Variants in ABCD3 observed in about 807,000 individuals in gnomAD.
ABCD3 encodes ATP-binding cassette sub-family D member 3.
A neutral mutation model predicts 105.5 loss-of-function variants in ABCD3; 41 were observed. The observed-to-expected ratio is 0.39, with a 90% CI of 0.30 to 0.50. The LOEUF is 0.50. Ranked by LOEUF, ABCD3 falls within the 20% of genes least tolerant of loss-of-function variation. ABCD3 has a pLI of 0.84. For missense variants in ABCD3, 622 were observed against 806.3 expected (o/e 0.77, Z 2.77); for synonymous variants, 258 against 269.0 (o/e 0.96, Z 0.40).
At chr1:94,474,691 GA>G (rs1475785673) in intron 5 of ABCD3, among the ~76,000 whole-genome samples, 1 of 150,512 alleles carries the variant, frequency 6.6e-6, no homozygotes, top group Non-Finnish European at 1.5e-5. Context: ...AAATAATCTG[GA>G]AAATAGCATT....
chr1:94,410,015 A>T, the ABCD3 span, among the ~76,000 whole-genome samples: 2 of 152,336 alleles, frequency 1.3e-5, no homozygotes, highest in African/African-American at 4.8e-5. Context: ...GACTCCATAT[A>T]CAGACGGATG....
At chr1:94,509,101 A>C (rs1570839126) in intron 21 of ABCD3, among the ~76,000 whole-genome samples, 1 of 152,190 alleles carries the variant, frequency 6.6e-6, no homozygotes, top group South Asian at 2.1e-4. Context: ...TTGCCCATTC[A>C]GTATGATATT....
chr1:94,480,052 GAGA>G (rs754290805), intron 8 of ABCD3, among the ~76,000 whole-genome samples: 14 of 149,200 alleles, frequency 9.4e-5, no homozygotes, highest in Admixed American at 5.3e-4. Flanking sequence ...GATTTGAGAT[GAGA>G]AGAGAACTAA....
chr1:94,478,532 A>G, intron 8 of ABCD3: 1 of 1,596,860 alleles, frequency 6.3e-7, no homozygotes, highest in Non-Finnish European at 8.6e-7. Flanking sequence ...AGGTACTTGG[A>G]AAAATTTTGT....
chr1:94,502,720 G>A (rs748153123), intron 20 of ABCD3, among the ~76,000 whole-genome samples: 1 of 151,806 alleles, frequency 6.6e-6, no homozygotes. Flanking sequence ...GGCTGGTCTC[G>A]AGCTCCTGAC....
intron 1 of ABCD3, among the ~76,000 whole-genome samples, chr1:94,445,407 A>G (rs573670792): frequency 9.7e-4 from 147 of 152,322 alleles, no homozygotes; most frequent in Non-Finnish European, 1.7e-3. Context: ...AGCAGTCCCC[A>G]TGGTGGGTAA....
At chr1:94,489,253 A>G (rs1397826336) in intron 13 of ABCD3, among the ~76,000 whole-genome samples, 1 of 152,094 alleles carries the variant, frequency 6.6e-6, no homozygotes, top group East Asian at 1.9e-4. Context: ...GAAAGAGGGA[A>G]TCTTTCAGAT....
At chr1:94,411,348 A>G in the ABCD3 span, among the ~76,000 whole-genome samples, 1 of 152,216 alleles carries the variant, frequency 6.6e-6, no homozygotes, top group Non-Finnish European at 1.5e-5. Context: ...AAAGATATAC[A>G]AATGGCCAAC....
intron 1 of ABCD3, among the ~76,000 whole-genome samples, chr1:94,430,411 C>A (rs576117304): frequency 5.3e-5 from 8 of 152,186 alleles, no homozygotes; most frequent in Non-Finnish European, 7.4e-5. Flanking sequence ...TGGCTGTGTC[C>A]CCCTAAATCT....
rs540410687 is a variant in ABCD3, at chr1:94,503,802, AT to A, written c.1741-2720del. Among the ~76,000 whole-genome samples the A allele has an allele frequency of 9.4e-3, 1,236 of 132,024 alleles. 7 individuals carry two copies. The highest frequency in any genetic ancestry group is 0.021 in the African/African-American group (735 of 35,622). The allele number at this position is 132,024 out of a possible 152,430, so 86.6% of individuals were successfully genotyped here. On this transcript the variant is annotated intron_variant, in intron 20 of 22. Coordinates refer to ENST00000370214, the MANE Select transcript of ABCD3 (RefSeq NM_002858.4). Reference sequence around the variant, plus strand: ...ATTAAAACAGTCTCTGCTTTTCTGAATTTTTTTTTTTTTTTTGAGGCAGTCT... The same window carrying A: ...ATTAAAACAGTCTCTGCTTTTCTGAATTTTTTTTTTTTTTTGAGGCAGTCT...
chr1:94,420,097 T>C (rs1162117701), intron 1 of ABCD3, among the ~76,000 whole-genome samples: 1 of 152,196 alleles, frequency 6.6e-6, no homozygotes, highest in Non-Finnish European at 1.5e-5. Context: ...AGTTCTGGAT[T>C]ACTTTTATGA....
chr1:94,440,130 G>A (rs1660078499), intron 1 of ABCD3, among the ~76,000 whole-genome samples: 1 of 152,170 alleles, frequency 6.6e-6, no homozygotes, highest in Non-Finnish European at 1.5e-5. Context: ...TTCATTGTCT[G>A]TAGGGATATT....
intron 7 of ABCD3, 86 bp downstream of exon 7, chr1:94,475,823 G>A: frequency 9.5e-7 from 1 of 1,047,422 alleles, no homozygotes; most frequent in Non-Finnish European, 1.4e-6. Flanking sequence ...TGATTTTGTG[G>A]ACATAACAGC....
chr1:94,417,479 G>A (rs1659067245), upstream of ABCD3, among the ~76,000 whole-genome samples: 1 of 152,200 alleles, frequency 6.6e-6, no homozygotes, highest in Admixed American at 6.5e-5. Flanking sequence ...CAATGCTGGC[G>A]ATAACAATTC....
intron 13 of ABCD3, among the ~76,000 whole-genome samples, chr1:94,489,187 C>A (rs1570809661): frequency 6.6e-6 from 1 of 152,104 alleles, no homozygotes; most frequent in Non-Finnish European, 1.5e-5. Flanking sequence ...TCTCTATTGC[C>A]ACAGTGATTT....
At chr1:94,477,227 CAAAAAAAAAAAAAAAAAA>C (rs561060182) in intron 7 of ABCD3, among the ~76,000 whole-genome samples, 2 of 44,294 alleles carry the variant, frequency 4.5e-5, no homozygotes, top group Admixed American at 4.6e-4. Flanking sequence ...ACTTATAAGG[CAAAAAAAAAAAAAAAAAA>C]AAAAAAAAAA....
At chr1:94,474,383 C>G (rs1443756489) in intron 5 of ABCD3, among the ~76,000 whole-genome samples, 3 of 152,034 alleles carry the variant, frequency 2.0e-5, no homozygotes, top group Admixed American at 2.0e-4. Context: ...ATTGTTTAGT[C>G]TAAAATATAA....
At chr1:94,446,689 G>A (rs960987761) in intron 1 of ABCD3, among the ~76,000 whole-genome samples, 2 of 152,278 alleles carry the variant, frequency 1.3e-5, no homozygotes, top group Admixed American at 1.3e-4. Context: ...TTAAGGGTTG[G>A]GTAGATACAG....
Position 94,513,632 on chromosome 1 carries a change from C to A in ABCD3, c.1846-1514C>A, listed in dbSNP as rs374429120. On this transcript the variant is annotated intron_variant, in intron 21 of 22. Transcript: ENST00000370214. ...ATGATACCGTTTAGATGAAACTAAACCAGTGGTTTGGGATTTAATTAAGGA... is the reference window on the plus strand; with the variant it reads ...ATGATACCGTTTAGATGAAACTAAAACAGTGGTTTGGGATTTAATTAAGGA... 19 of 152,024 alleles carry A rather than the reference C, an allele frequency of 1.2e-4. No individual in the cohort carries two copies. The South Asian group carries it at 1.7e-3, about 13-fold the overall frequency. 9.4% of individuals were successfully genotyped at this position (152,024 alleles called of 1,614,324 possible).
Sources: gnomAD v4.1 joint callset for allele counts (sites outside exome capture counted in the v4.1 genomes callset) on GRCh38, gnomAD v4.1.1 for gene constraint, MANE v1.5 for transcripts, NCBI Gene and HGNC (gene_info 2026-07-23, HGNC 2026-07-21) for gene names.